Variants in RANBP10 observed in about 807,000 individuals in gnomAD.
RANBP10 encodes the protein RAN binding protein 10.
RANBP10 carries 24 observed loss-of-function variants against 72.8 expected under a neutral mutation model. That is an observed-to-expected ratio of 0.33 (90% CI 0.24 to 0.46). The LOEUF (loss-of-function observed/expected upper bound fraction) is 0.46, where lower values mean the gene tolerates loss of function less well. Among genes scored for constraint, RANBP10 ranks in the 20% least tolerant of loss-of-function variants. The pLI, the probability that RANBP10 is intolerant of heterozygous loss-of-function variation, is 1.00. For synonymous variants in RANBP10, 310 were observed against 322.3 expected (o/e 0.96, Z 0.41); for missense variants, 679 against 817.5 (o/e 0.83, Z 2.07).
At chr16:67,788,896 A>C (rs2143017669) in intron 2 of RANBP10, among the ~76,000 whole-genome samples, 1 of 151,512 alleles carries the variant, frequency 6.6e-6, no homozygotes, top group African/African-American at 2.4e-5. Context: ...GCTACTTGGG[A>C]GGCTGAGGCA....
chr16:67,772,166 G>A, intron 2 of RANBP10, 80 bp from the exon 3 acceptor site: 1 of 1,443,470 alleles, frequency 6.9e-7, no homozygotes, highest in Admixed American at 2.1e-5. Flanking sequence ...ACATTTATTG[G>A]TAAAAGACAG....
intron 3 of RANBP10, among the ~76,000 whole-genome samples, chr16:67,745,990 C>A (rs2143006352): frequency 6.6e-6 from 1 of 151,922 alleles, no homozygotes; most frequent in African/African-American, 2.4e-5. Flanking sequence ...AATCCCGTCT[C>A]TACTAAAAAT....
At chr16:67,752,070 G>T (rs1597859622) in intron 3 of RANBP10, among the ~76,000 whole-genome samples, 2 of 152,000 alleles carry the variant, frequency 1.3e-5, no homozygotes, top group East Asian at 3.9e-4. Flanking sequence ...ATTCCCAAAT[G>T]ATTTATCAAT....
intron 3 of RANBP10, among the ~76,000 whole-genome samples, chr16:67,754,921 T>C (rs953069108): frequency 3.3e-5 from 5 of 152,070 alleles, no homozygotes; most frequent in African/African-American, 1.2e-4. Flanking sequence ...GTAGGAAACA[T>C]TCTAAGACTC....
intron 2 of RANBP10, among the ~76,000 whole-genome samples, chr16:67,803,970 G>A (rs1413814494): frequency 1.3e-5 from 2 of 151,932 alleles, no homozygotes; most frequent in African/African-American, 4.8e-5. Flanking sequence ...TCAGGAGACT[G>A]AAGCTCCAAC....
intron 2 of RANBP10, among the ~76,000 whole-genome samples, chr16:67,773,285 G>C (rs753478486): frequency 1.3e-5 from 2 of 152,184 alleles, no homozygotes; most frequent in Non-Finnish European, 2.9e-5. Flanking sequence ...CATGTGACAT[G>C]CTGGCTCCTA....
At chr16:67,744,243 A>G in intron 4 of RANBP10, 45 bp downstream of exon 4, 1 of 1,584,506 alleles carries the variant, frequency 6.3e-7, no homozygotes, top group South Asian at 1.1e-5. Flanking sequence ...CACCAACCAA[A>G]GTGGCTCCAC....
At chr16:67,751,939 A>G in intron 3 of RANBP10, among the ~76,000 whole-genome samples, 1 of 152,098 alleles carries the variant, frequency 6.6e-6, no homozygotes, top group Non-Finnish European at 1.5e-5. Context: ...CTCTGGCTAT[A>G]AATATGGATT....
chr16:67,760,741 T>A (rs2054380779), intron 3 of RANBP10, among the ~76,000 whole-genome samples: 1 of 152,186 alleles, frequency 6.6e-6, no homozygotes, highest in Admixed American at 6.5e-5. Flanking sequence ...GTAACTACGG[T>A]AATGTATGTC....
intron 2 of RANBP10, among the ~76,000 whole-genome samples, chr16:67,800,477 C>G (rs554737230): frequency 3.0e-4 from 46 of 152,328 alleles, no homozygotes; most frequent in Admixed American, 1.5e-3. Context: ...CTCCATGTGT[C>G]ATCACTAAGA....
rs780068135 is a variant in RANBP10 at position 67,744,398 on chromosome 16, G to A, written c.458C>T (p.Ser153Leu). Residue 153 changes from serine (S) to leucine (L), a missense_variant, in exon 4 of 14, where the codon TCG becomes TTG. Coordinates refer to ENST00000317506, the MANE Select transcript of RANBP10 (RefSeq NM_020850.3). Reference protein sequence around the residue: ...HGDDGHSFCSSGTGQPYGPTF... With the variant: ...HGDDGHSFCSLGTGQPYGPTF... ...GGGACCATAGGGCTGGCCAGTCCCC[G>A]AGGAGCAGAACGAATGCCCATCATC... is the stretch of plus-strand genomic sequence containing the variant. 9.3e-6 allele frequency: 15 copies of A among 1,614,100 alleles called. No homozygotes were observed. Among genetic ancestry groups the A allele is most frequent in the South Asian group, 3.3e-5 (3 of 91,084 alleles).
chr16:67,728,922 G>A (rs762700595), intron 10 of RANBP10, among the ~76,000 whole-genome samples: 5 of 152,234 alleles, frequency 3.3e-5, no homozygotes, highest in Admixed American at 2.0e-4. Flanking sequence ...TCTAGCCTGC[G>A]GCTTAGCTTC....
chr16:67,803,517 G>T (rs1177024545), intron 2 of RANBP10, among the ~76,000 whole-genome samples: 4 of 151,992 alleles, frequency 2.6e-5, no homozygotes, highest in African/African-American at 9.7e-5. Flanking sequence ...TGGTGTGGTG[G>T]CACATGCCTG....
intron 2 of RANBP10, among the ~76,000 whole-genome samples, chr16:67,791,172 C>A (rs1336425227): frequency 6.6e-6 from 1 of 151,802 alleles, no homozygotes; most frequent in Non-Finnish European, 1.5e-5. Flanking sequence ...TGCGACCACG[C>A]CTGGCTAATT....
rs1285939503 is a variant in RANBP10, at chr16:67,727,348, C to A, written c.1711G>T (p.Ala571Ser). The A allele has an allele frequency of 6.2e-7, 1 of 1,613,148 alleles. No homozygotes were observed. The highest frequency in any genetic ancestry group is 1.7e-5 in the Admixed American group (1 of 59,506). Residue 571 changes from alanine to serine, a missense_variant, in exon 13 of 14, where the codon GCC becomes TCC. Coordinates refer to ENST00000317506, the MANE Select transcript of RANBP10 (RefSeq NM_020850.3). ...TCACCTAAAATGGCGCTGTTGAGGG[C>A]AGCACACACAGGTTCCCTCTGGATG... ...DPIQREPVCA[A>S]LNSAILESQN...
chr16:67,728,635 A>G, intron 10 of RANBP10, 124 bp from the exon 11 acceptor site: 2 of 1,542,172 alleles, frequency 1.3e-6, no homozygotes, highest in Non-Finnish European at 1.7e-6. Flanking sequence ...AGGAACATGA[A>G]AGGACAGCTC....
At chr16:67,778,448 C>A (rs2054750306) in intron 2 of RANBP10, among the ~76,000 whole-genome samples, 1 of 152,172 alleles carries the variant, frequency 6.6e-6, no homozygotes, top group African/African-American at 2.4e-5. Flanking sequence ...AAAACTTCAA[C>A]TCTCAGGAAA....
chr16:67,742,469 T>A (rs2053988319), intron 4 of RANBP10, among the ~76,000 whole-genome samples: 1 of 152,104 alleles, frequency 6.6e-6, no homozygotes, highest in Admixed American at 6.5e-5. Context: ...AATTACAAGA[T>A]GTGTGAGGTC....
At chr16:67,779,249 A>T (rs1662082695) in intron 2 of RANBP10, among the ~76,000 whole-genome samples, 1 of 151,824 alleles carries the variant, frequency 6.6e-6, no homozygotes, top group African/African-American at 2.4e-5. Context: ...ACAAAAATTA[A>T]CCAGACATGG....
Sources: allele counts gnomAD v4.1 joint callset (sites outside exome capture counted in the v4.1 genomes callset), GRCh38; gene constraint gnomAD v4.1.1; transcripts MANE v1.5; gene names NCBI Gene and HGNC (gene_info 2026-07-23, HGNC 2026-07-21).